IGF1R: variants seen among roughly 807,000 people sequenced by gnomAD.
The protein encoded by IGF1R is insulin-like growth factor 1 receptor.
Under a neutral mutation model 144.6 loss-of-function variants are expected in IGF1R, and 44 were observed. That is an observed-to-expected ratio of 0.30 (90% confidence interval 0.24 to 0.39). The LOEUF (loss-of-function observed/expected upper bound fraction) is 0.39, where lower values mean the gene tolerates loss of function less well. Among genes scored for constraint, IGF1R ranks in the 10% least tolerant of loss-of-function variants. The pLI is 1.00. For synonymous variants in IGF1R, 795 were observed against 722.8 expected, an observed-to-expected ratio of 1.10 and a Z score of -1.60; for missense variants, 1,355 against 1,833.7, an observed-to-expected ratio of 0.74 and a Z score of 4.77.
chr15:98,742,572 C>G (rs2054771534), intron 2 of IGF1R, among the ~76,000 whole-genome samples: 1 of 152,160 alleles, frequency 6.6e-6, no homozygotes, highest in South Asian at 2.1e-4. Flanking sequence ...GTGGCTTGAT[C>G]TGAAACAGTC....
intron 12 of IGF1R, 22 bp downstream of exon 12, chr15:98,924,034 G>A (rs751499705): frequency 9.9e-6 from 16 of 1,610,034 alleles, no homozygotes; most frequent in Admixed American, 3.3e-5. Flanking sequence ...GCAGTGGCCC[G>A]TGCCTGCATG....
intron 2 of IGF1R, among the ~76,000 whole-genome samples, chr15:98,846,987 TTTTTTTGGACACAA>T (rs1436234499): frequency 6.6e-6 from 1 of 152,132 alleles, no homozygotes; most frequent in African/African-American, 2.4e-5. Flanking sequence ...CTCTTTTTCT[TTTTTTTGGACACAA>T]ATTCTCACTC....
intron 19 of IGF1R, among the ~76,000 whole-genome samples, 184 bp from the exon 20 acceptor site, chr15:98,948,388 TTA>T: frequency 6.6e-6 from 1 of 152,178 alleles, no homozygotes; most frequent in Non-Finnish European, 1.5e-5. Flanking sequence ...ACGGGGAACA[TTA>T]GCAGCAACAG....
intron 2 of IGF1R, among the ~76,000 whole-genome samples, chr15:98,822,697 TC>T (rs2056824317): frequency 6.6e-6 from 1 of 152,188 alleles, no homozygotes; most frequent in Admixed American, 6.5e-5. Flanking sequence ...TTTTGTGAGT[TC>T]CCTGGTAACT....
At chr15:98,918,532 G>A (rs1321189380) in intron 10 of IGF1R, among the ~76,000 whole-genome samples, 1 of 152,148 alleles carries the variant, frequency 6.6e-6, no homozygotes, top group Non-Finnish European at 1.5e-5. Flanking sequence ...TTTTGAGAGT[G>A]CGCCTCTTCA....
At chr15:98,781,597 C>CT (rs1162908435) in intron 2 of IGF1R, among the ~76,000 whole-genome samples, 1 of 152,046 alleles carries the variant, frequency 6.6e-6, no homozygotes, top group Non-Finnish European at 1.5e-5. Context: ...TTATCAAATG[C>CT]TTTTTGAATA....
chr15:98,733,260 C>T (rs2054536007), intron 2 of IGF1R, among the ~76,000 whole-genome samples: 1 of 152,128 alleles, frequency 6.6e-6, no homozygotes. Context: ...GTTGCCCAGG[C>T]TGGAGTGCAG....
chr15:98,926,822 T>G (rs1033763745), intron 13 of IGF1R, among the ~76,000 whole-genome samples: 2 of 152,208 alleles, frequency 1.3e-5, no homozygotes, highest in African/African-American at 2.4e-5. Context: ...TCTGAATTGT[T>G]CCATCTAGTC....
At chr15:98,794,002 C>T (rs559527443) in intron 2 of IGF1R, among the ~76,000 whole-genome samples, 1 of 152,300 alleles carries the variant, frequency 6.6e-6, no homozygotes, top group Admixed American at 6.5e-5. Context: ...AGTGGCGAAG[C>T]GCCCTATCTT....
chr15:98,817,590 A>G (rs1037105265), intron 2 of IGF1R, among the ~76,000 whole-genome samples: 2 of 152,154 alleles, frequency 1.3e-5, no homozygotes, highest in Non-Finnish European at 2.9e-5. Flanking sequence ...AAGGATAAGA[A>G]GAAAAAGCTG....
intron 1 of IGF1R, among the ~76,000 whole-genome samples, chr15:98,681,364 A>G (rs2053185348): frequency 6.6e-6 from 1 of 152,218 alleles, no homozygotes; most frequent in Non-Finnish European, 1.5e-5. Flanking sequence ...ACCACCAGCT[A>G]TTCTGATAGT....
intron 2 of IGF1R, among the ~76,000 whole-genome samples, chr15:98,769,726 T>G (rs987884700): frequency 6.6e-6 from 1 of 152,240 alleles, no homozygotes; most frequent in Non-Finnish European, 1.5e-5. Flanking sequence ...CGTTGTACAT[T>G]GTTGACATGG....
At chr15:98,662,120 C>T (rs1262501805) in intron 1 of IGF1R, among the ~76,000 whole-genome samples, 3 of 151,926 alleles carry the variant, frequency 2.0e-5, no homozygotes, top group Non-Finnish European at 2.9e-5. Flanking sequence ...GCTGGGATTA[C>T]AGGCGTGTGC....
intron 1 of IGF1R, among the ~76,000 whole-genome samples, chr15:98,695,449 A>G (rs1253892101): frequency 6.6e-6 from 1 of 152,134 alleles, no homozygotes; most frequent in African/African-American, 2.4e-5. Flanking sequence ...GCCTTAAGAG[A>G]TACCTCCAAA....
chr15:98,780,586 G>A (rs1390991794), intron 2 of IGF1R, among the ~76,000 whole-genome samples: 1 of 98,614 alleles, frequency 1.0e-5, no homozygotes, highest in African/African-American at 3.4e-5. Context: ...GAGAGAGAGA[G>A]TAAATAAAAT....
intron 2 of IGF1R, among the ~76,000 whole-genome samples, chr15:98,777,676 G>C (rs2055753234): frequency 6.6e-6 from 1 of 152,242 alleles, no homozygotes; most frequent in Non-Finnish European, 1.5e-5. Context: ...CCATACCTTG[G>C]TGGGCAAGAG....
chr15:98,953,309 G>A (rs1236695433), intron 20 of IGF1R, among the ~76,000 whole-genome samples: 1 of 152,194 alleles, frequency 6.6e-6, no homozygotes, highest in African/African-American at 2.4e-5. Flanking sequence ...AAGGTGTCGA[G>A]GTCTGAGTCT....
At chr15:98,743,819 C>G (rs1474055387) in intron 2 of IGF1R, among the ~76,000 whole-genome samples, 2 of 152,124 alleles carry the variant, frequency 1.3e-5, no homozygotes, top group Non-Finnish European at 2.9e-5. Flanking sequence ...GCAAAGTGAA[C>G]TTGGACTAGT....
At chr15:98,669,773 C>T (rs934356438) in intron 1 of IGF1R, among the ~76,000 whole-genome samples, 38 of 152,208 alleles carry the variant, frequency 2.5e-4, no homozygotes, top group African/African-American at 8.7e-4. Context: ...TTCTAGCTTC[C>T]CGTGCCGAAC....
Sources: allele counts gnomAD v4.1 joint callset (sites outside exome capture counted in the v4.1 genomes callset), GRCh38; gene constraint gnomAD v4.1.1; transcripts MANE v1.5; gene names NCBI Gene and HGNC (gene_info 2026-07-23, HGNC 2026-07-21).